FRMPD1: variants seen among roughly 807,000 people sequenced by gnomAD.
FRMPD1 encodes FERM and PDZ domain containing 1.
A neutral mutation model predicts 117.8 loss-of-function variants in FRMPD1; 76 were observed. That is an observed-to-expected ratio of 0.65 (90% CI 0.54 to 0.78). The LOEUF is 0.78. FRMPD1 is among the 30% of genes least tolerant of loss of function. The probability of loss-of-function intolerance (pLI) is 0.00; values close to 1 mark genes in which losing one functional copy is unlikely to be tolerated. For synonymous variants in FRMPD1, 783 were observed against 770.4 expected, an observed-to-expected ratio of 1.02 and a Z score of -0.27; for missense variants, 1,786 against 1,964.5, an observed-to-expected ratio of 0.91 and a Z score of 1.72.
chr9:37,708,769 G>A (rs1020878527), intron 4 of FRMPD1, among the ~76,000 whole-genome samples: 2 of 152,196 alleles, frequency 1.3e-5, no homozygotes, highest in East Asian at 1.9e-4. Context: ...CCAAGACACC[G>A]TGCTAAGCAT....
intron 1 of FRMPD1, among the ~76,000 whole-genome samples, chr9:37,676,546 C>T (rs965816742): frequency 2.0e-5 from 3 of 152,130 alleles, no homozygotes; most frequent in Non-Finnish European, 4.4e-5. Context: ...CTGGCTGCCA[C>T]CTCCTAACAG....
At position 37,744,460 on chromosome 9, in the gene FRMPD1, G is replaced by C. The variant is rs542877674; in HGVS notation, c.2428G>C (p.Glu810Gln). 1 of 1,614,106 alleles carries C rather than the reference G, an allele frequency of 6.2e-7. No homozygotes were observed. The highest frequency in any genetic ancestry group is 8.5e-7 in the Non-Finnish European group (1 of 1,179,996). ...LQNKASTSSP[E>Q]NSLPCGPDGR... is the part of the protein sequence containing the mutation. Reference sequence around the variant, plus strand: ...GAATAAGGCCAGCACTTCTAGCCCTGAGAACAGCCTGCCTTGTGGGCCAGA... The same window carrying C: ...GAATAAGGCCAGCACTTCTAGCCCTCAGAACAGCCTGCCTTGTGGGCCAGA... Residue 810 changes from glutamate (E) to glutamine (Q), a missense_variant, in exon 16 of 16, where the codon GAG (glutamate) becomes CAG (glutamine). By Grantham distance (29) the Glu-to-Gln change is conservative (BLOSUM62 2). Coordinates refer to ENST00000377765, the MANE Select transcript of FRMPD1 (RefSeq NM_014907.3).
At chr9:37,654,747 G>A (rs1436901989) in intron 1 of FRMPD1, among the ~76,000 whole-genome samples, 3 of 152,256 alleles carry the variant, frequency 2.0e-5, no homozygotes, top group Non-Finnish European at 4.4e-5. Context: ...TGTACAACTA[G>A]ACAGTCTGTG....
At chr9:37,724,135 C>G (rs895948658) in intron 6 of FRMPD1, 90 bp from the exon 7 acceptor site, 15 of 654,036 alleles carry the variant, frequency 2.3e-5, no homozygotes, top group Non-Finnish European at 3.3e-5. Flanking sequence ...GATCGTACCA[C>G]TGTTCTCCAG....
In FRMPD1 at chr9:37,735,585, G is replaced by A. The variant is rs776633014; in HGVS notation, c.1252G>A (p.Val418Ile). The change falls in exon 13 of 16, where the codon GTT becomes ATT. Residue 418 changes from valine to isoleucine, a missense_variant. Physicochemically the swap from Val to Ile is conservative, Grantham distance 29. Transcript: ENST00000377765. Reference sequence around the variant, plus strand: ...TAGAGAATCCTACATTGCCCTTCTAGTTGGAGCCAAGTATGGGATTAGCCA... The same window carrying A: ...TAGAGAATCCTACATTGCCCTTCTAATTGGAGCCAAGTATGGGATTAGCCA... The part of the protein sequence containing the change: ...QDRESYIALL[V>I]GAKYGISQVI... The A allele has an allele frequency of 1.9e-6, 3 of 1,614,028 alleles. No homozygotes were observed. In the Admixed American group the frequency reaches 5.0e-5, roughly 27 times the overall value.
At chr9:37,724,703 C>G (rs762930778) in intron 7 of FRMPD1, among the ~76,000 whole-genome samples, 1 of 152,208 alleles carries the variant, frequency 6.6e-6, no homozygotes, top group Non-Finnish European at 1.5e-5. Context: ...AAGGCCCAGG[C>G]GCTGCCTATT....
chr9:37,739,404 C>T (rs1824278833), intron 14 of FRMPD1, among the ~76,000 whole-genome samples: 3 of 152,140 alleles, frequency 2.0e-5, no homozygotes, highest in Admixed American at 2.0e-4. Flanking sequence ...AGAAAGATCA[C>T]TCTGGAGGCT....
intron 1 of FRMPD1, among the ~76,000 whole-genome samples, chr9:37,654,784 C>T (rs993204173): frequency 2.6e-5 from 4 of 152,146 alleles, no homozygotes; most frequent in African/African-American, 7.2e-5. Flanking sequence ...TCACAGTTAT[C>T]GGGGAGACTC....
At chr9:37,738,712 CAG>C (rs1020648034) in intron 14 of FRMPD1, among the ~76,000 whole-genome samples, 2 of 152,092 alleles carry the variant, frequency 1.3e-5, no homozygotes, top group African/African-American at 2.4e-5. Context: ...GGAGACAACG[CAG>C]AGTGGCAACA....
chr9:37,657,298 T>C (rs190618162), intron 1 of FRMPD1, among the ~76,000 whole-genome samples: 1 of 152,372 alleles, frequency 6.6e-6, no homozygotes, highest in Admixed American at 6.5e-5. Context: ...CTTGTAACTA[T>C]TCACATGTGA....
Position 37,740,554 on chromosome 9 carries a change from G to T in FRMPD1, c.2026G>T (p.Glu676Ter). Reference sequence around the variant, plus strand: ...CCAGTGCCAGAAGACAGAGTTTTCCGAGAGTGCTGCTTTGGAGACATTTGG... The same window carrying T: ...CCAGTGCCAGAAGACAGAGTTTTCCTAGAGTGCTGCTTTGGAGACATTTGG... ...NPQCQKTEFS[E>*]SAALETFGWA... The change falls in exon 15 of 16, where the codon GAG (glutamate) becomes TAG (stop). Residue 676 changes from glutamate (E) to a stop codon, truncating the protein, a stop_gained. Coordinates refer to ENST00000377765, the MANE Select transcript of FRMPD1 (RefSeq NM_014907.3). LOFTEE classifies it high-confidence loss of function. The surrounding 1 kb of genome is among the most constrained non-coding windows in gnomAD (Gnocchi z 4.2). 6.2e-7 allele frequency: 1 copy of T among 1,614,224 alleles called. No individual in the cohort carries two copies.
the FRMPD1 span, among the ~76,000 whole-genome samples, chr9:37,614,873 T>A: frequency 6.6e-6 from 1 of 152,240 alleles, no homozygotes; most frequent in African/African-American, 2.4e-5. Context: ...CTAATGGATT[T>A]ATTTCTTGTA....
intron 9 of FRMPD1, among the ~76,000 whole-genome samples, chr9:37,731,967 G>A (rs1219266129): frequency 6.6e-6 from 1 of 152,132 alleles, no homozygotes; most frequent in Non-Finnish European, 1.5e-5. Flanking sequence ...ACTGCCCCAA[G>A]TCTTACAGAA....
At chr9:37,671,619 C>A (rs989878447) in intron 1 of FRMPD1, among the ~76,000 whole-genome samples, 1 of 152,104 alleles carries the variant, frequency 6.6e-6, no homozygotes, top group African/African-American at 2.4e-5. Flanking sequence ...AAAGCACCGA[C>A]CCCGAGTAGA....
At chr9:37,710,519 A>G (rs750316725) in intron 4 of FRMPD1, among the ~76,000 whole-genome samples, 4 of 152,188 alleles carry the variant, frequency 2.6e-5, no homozygotes, top group Non-Finnish European at 5.9e-5. Context: ...TGGGCTCATT[A>G]CACCGACTTT....
At chr9:37,637,077 T>TG in the FRMPD1 span, 1 of 1,559,684 alleles carries the variant, frequency 6.4e-7, no homozygotes, top group South Asian at 1.1e-5. Context: ...CTGGAAGTGA[T>TG]GGTCCAGAAC....
chr9:37,603,826 G>A, the FRMPD1 span, among the ~76,000 whole-genome samples: 3 of 152,002 alleles, frequency 2.0e-5, no homozygotes, highest in Non-Finnish European at 4.4e-5. Context: ...TTACAGGTGT[G>A]TGCCACCACG....
intron 7 of FRMPD1, among the ~76,000 whole-genome samples, chr9:37,727,377 C>G (rs548416344): frequency 6.6e-6 from 1 of 152,100 alleles, no homozygotes; most frequent in African/African-American, 2.4e-5. Context: ...GTAGCAAATG[C>G]GCATGGCTAT....
chr9:37,609,740 C>CCTTA, the FRMPD1 span, among the ~76,000 whole-genome samples: 27,908 of 151,998 alleles, frequency 0.18, 2,635 homozygotes, highest in Admixed American at 0.22. Flanking sequence ...AAATCAAAGC[C>CCTTA]CTTACAATGG....
Sources: allele counts gnomAD v4.1 joint callset (sites outside exome capture counted in the v4.1 genomes callset), GRCh38; gene constraint gnomAD v4.1.1; non-coding constraint Gnocchi (gnomAD v3.1); transcripts MANE v1.5; gene names NCBI Gene and HGNC (gene_info 2026-07-23, HGNC 2026-07-21).